The following CHRNB3 variants were observed in gnomAD, a reference collection of about 807,000 sequenced individuals.
The protein encoded by CHRNB3 is cholinergic receptor nicotinic beta 3 subunit, also known as neuronal acetylcholine receptor subunit beta-3.
CHRNB3 carries 37 observed loss-of-function variants against 40.6 expected under a neutral mutation model. The observed-to-expected ratio is 0.91, with a 90% confidence interval of 0.70 to 1.20. The LOEUF (loss-of-function observed/expected upper bound fraction) is 1.20. Ranked by LOEUF, CHRNB3 falls within the 50% of genes most tolerant of loss-of-function variation. The probability of loss-of-function intolerance (pLI) is 0.00; values close to 1 mark genes in which losing one functional copy is unlikely to be tolerated. For missense variants in CHRNB3, 505 were observed against 551.2 expected (o/e 0.92, Z 0.84); for synonymous variants, 207 against 207.1 (o/e 1.00, Z 0.00).
At chr8:42,708,593 C>T (rs918608843) in intron 1 of CHRNB3, 124 bp from the exon 2 acceptor site, 1 of 1,054,782 alleles carries the variant, frequency 9.5e-7, no homozygotes, top group South Asian at 1.7e-5. Context: ...CTTTCAGGAA[C>T]TGGGCTGTTT....
At chr8:42,708,928 C>A in intron 2 of CHRNB3, 60 bp downstream of exon 2, 2 of 1,425,082 alleles carry the variant, frequency 1.4e-6, no homozygotes, top group Non-Finnish European at 1.9e-6. Flanking sequence ...GTTTATGAGT[C>A]TAAAATATAT....
Position 42,736,495 on chromosome 8 carries a change from C to G in CHRNB3, c.1254C>G (p.Asp418Glu), listed in dbSNP as rs1157615167. ...TTTCTCTTTTGCAGGTAGTACAAGA[C>G]TGGAAATTTGTAGCTCAAGTTCTTG... ...KEHFISQVVQ[D>E]WKFVAQVLDR... Residue 418 changes from aspartate (D) to glutamate (E), a missense_variant, in exon 6 of 6, where the codon GAC (aspartate) becomes GAG (glutamate). Transcript: ENST00000289957. 6.2e-7 allele frequency: 1 copy of G among 1,614,080 alleles called. No individual in the cohort carries two copies. Among genetic ancestry groups the G allele is most frequent in the East Asian group, 2.2e-5 (1 of 44,896 alleles).
chr8:42,731,918 T>C lies in CHRNB3; in HGVS notation c.611T>C (p.Leu204Pro), dbSNP rs1439484022. 4 of 1,614,168 alleles carry C rather than the reference T, an allele frequency of 2.5e-6. No individual in the cohort carries two copies. The East Asian group carries it at 6.7e-5, about 27-fold the overall frequency. Reference protein sequence around the residue: ...DFFDNGEWEILNAKGMKGNRR... With the variant: ...DFFDNGEWEIPNAKGMKGNRR... ...TTCGATAACGGAGAATGGGAAATAC[T>C]GAACGCAAAGGGGATGAAGGGGAAC... is the stretch of plus-strand genomic sequence containing the variant. The change falls in exon 5 of 6, where the codon CTG becomes CCG. Residue 204 changes from leucine to proline, a missense_variant. Coordinates refer to ENST00000289957, the MANE Select transcript of CHRNB3 (RefSeq NM_000749.5).
chr8:42,732,346 CT>C lies in CHRNB3; in HGVS notation c.1042del (p.Cys348AlafsTer2). On this transcript the variant is annotated frameshift_variant, in exon 5 of 6. Coordinates refer to ENST00000289957, the MANE Select transcript of CHRNB3 (RefSeq NM_000749.5). LOFTEE classifies it high-confidence loss of function. ...RLFLQKLPKL[L>X]CMKDHVDRYS... ...CTTTCTGCAGAAACTTCCAAAATTA[CT>C]TTGCATGAAAGATCATGTGGATCGC... The C allele has an allele frequency of 1.9e-6, 3 of 1,607,094 alleles. No homozygotes were observed. The South Asian group carries it at 3.4e-5, about 18-fold the overall frequency.
intron 4 of CHRNB3, among the ~76,000 whole-genome samples, chr8:42,731,069 T>C (rs1029964188): frequency 4.1e-5 from 6 of 146,992 alleles, no homozygotes; most frequent in Non-Finnish European, 9.0e-5. Flanking sequence ...AATAAATAAA[T>C]AAATAAATAA....
intron 3 of CHRNB3, chr8:42,726,362 A>G (rs967199946): frequency 2.0e-6 from 1 of 501,514 alleles, no homozygotes; most frequent in African/African-American, 2.0e-5. Context: ...AAATCTACAG[A>G]AAAGATCCCA....
chr8:42,704,567 A>G (rs1042452835), intron 1 of CHRNB3: 4 of 152,174 alleles, frequency 2.6e-5, no homozygotes, highest in Non-Finnish European at 4.4e-5. Flanking sequence ...GAATGACTGG[A>G]CAGTTTTTCT....
chr8:42,732,310 G>T lies in CHRNB3; in HGVS notation c.1003G>T (p.Val335Phe). ...CACGTACCACCCCATGGCCCCCTGGGTTAAGAGGCTCTTTCTGCAGAAACT... is the reference window on the plus strand; with the variant it reads ...CACGTACCACCCCATGGCCCCCTGGTTTAAGAGGCTCTTTCTGCAGAAACT... The part of the protein sequence containing the change: ...SSTYHPMAPW[V>F]KRLFLQKLPK... Residue 335 changes from valine to phenylalanine, a missense_variant, in exon 5 of 6, where the codon GTT (valine) becomes TTT (phenylalanine). Coordinates refer to ENST00000289957, the MANE Select transcript of CHRNB3 (RefSeq NM_000749.5). 6.2e-7 allele frequency: 1 copy of T among 1,607,016 alleles called. No individual in the cohort carries two copies. Among genetic ancestry groups the T allele is most frequent in the Non-Finnish European group, 8.5e-7 (1 of 1,178,054 alleles).
chr8:42,731,591 T>C (rs1816418734), intron 4 of CHRNB3, 76 bp from the exon 5 acceptor site: 3 of 1,399,208 alleles, frequency 2.1e-6, no homozygotes, highest in South Asian at 2.8e-5. Context: ...AAAACAGAAA[T>C]AGTCAATGCT....
chr8:42,729,196 A>G (rs1816359927), intron 3 of CHRNB3, among the ~76,000 whole-genome samples: 1 of 152,040 alleles, frequency 6.6e-6, no homozygotes, highest in South Asian at 2.1e-4. Flanking sequence ...TCATGAGGTC[A>G]GGAGATCGAG....
Position 42,732,659 on chromosome 8 carries a change from T to C in CHRNB3, c.1242+110T>C, listed in dbSNP as rs553038321. On this transcript the variant is annotated intron_variant, in intron 5 of 5. Coordinates refer to ENST00000289957, the MANE Select transcript of CHRNB3 (RefSeq NM_000749.5). ...GTCATGGTTTAAATGTGACGTTATA[T>C]AAGACATGCTTTTTATACATATAAC... 2.3e-5 allele frequency: 23 copies of C among 997,890 alleles called. No individual in the cohort carries two copies. In the African/African-American group the frequency reaches 3.8e-4, roughly 16 times the overall value. The allele number at this position is 997,890 out of a possible 1,614,324, so 61.8% of individuals were successfully genotyped here.
At chr8:42,697,677 A>T in intron 1 of CHRNB3, 79 bp downstream of exon 1, 1 of 1,058,518 alleles carries the variant, frequency 9.4e-7, no homozygotes, top group Non-Finnish European at 1.5e-6. Flanking sequence ...GGTGTTGATA[A>T]TGTTAGAATT....
In CHRNB3 at chr8:42,731,738, C is replaced by A; in HGVS notation, c.431C>A (p.Thr144Asn). Residue 144 changes from threonine to asparagine, a missense_variant, in exon 5 of 6, where the codon ACC becomes AAC. Transcript: ENST00000289957. ...IVKSNGTVVW[T>N]PPASYKSSCT... The stretch of plus-strand genomic sequence containing the variant: ...AAATCAAACGGAACTGTTGTCTGGA[C>A]CCCTCCCGCCAGCTACAAAAGCTCC... The A allele has an allele frequency of 6.2e-7, 1 of 1,613,980 alleles. No individual in the cohort carries two copies. Among genetic ancestry groups the A allele is most frequent in the Non-Finnish European group, 8.5e-7 (1 of 1,180,012 alleles).
At chr8:42,709,794 G>A (rs1036083614) in intron 2 of CHRNB3, among the ~76,000 whole-genome samples, 1 of 152,144 alleles carries the variant, frequency 6.6e-6, no homozygotes, top group African/African-American at 2.4e-5. Context: ...ATGATGCCCA[G>A]CTAATTTTTG....
At position 42,736,714 on chromosome 8, in the gene CHRNB3, C is replaced by G; in HGVS notation, c.*96C>G. The G allele has an allele frequency of 7.1e-7, 1 of 1,399,956 alleles. No homozygotes were observed. The highest frequency in any genetic ancestry group is 1.0e-6 in the Non-Finnish European group (1 of 1,002,260). The allele number at this position is 1,399,956 out of a possible 1,614,324, so 86.7% of individuals were successfully genotyped here. On this transcript the variant is annotated 3_prime_UTR_variant, in exon 6 of 6. Coordinates refer to ENST00000289957, the MANE Select transcript of CHRNB3 (RefSeq NM_000749.5). ...ATGCATGTGCTTGTTCTACGAACCC[C>G]GAATGCGTTGTCTTTGTGGAAATGG...
In CHRNB3 at chr8:42,736,675, C is replaced by T. The variant is rs1437342410; in HGVS notation, c.*57C>T. On this transcript the variant is annotated 3_prime_UTR_variant, in exon 6 of 6. Transcript: ENST00000289957. ...TTAGACCTGACATCTGGCTATCACA[C>T]AGACAGAATCCAAATGCATGTGCTT... The T allele has an allele frequency of 6.3e-7, 1 of 1,591,886 alleles. No homozygotes were observed. The highest frequency in any genetic ancestry group is 1.1e-5 in the South Asian group (1 of 89,760).
chr8:42,732,637 A>C, intron 5 of CHRNB3, 88 bp downstream of exon 5: 2 of 1,264,456 alleles, frequency 1.6e-6, no homozygotes, highest in Non-Finnish European at 1.1e-6. Flanking sequence ...AAATATTGTC[A>C]TGGTTTAAAT....
At chr8:42,717,894 A>G (rs62518183) in intron 3 of CHRNB3, among the ~76,000 whole-genome samples, 8,287 of 141,640 alleles carry the variant, frequency 0.059, 300 homozygotes, top group Middle Eastern at 0.11. Context: ...GTACAGTGGC[A>G]CAATCTCGGC....
chr8:42,715,568 G>C (rs907975434), intron 3 of CHRNB3, among the ~76,000 whole-genome samples: 1 of 152,136 alleles, frequency 6.6e-6, no homozygotes, highest in Non-Finnish European at 1.5e-5. Flanking sequence ...ACAAAAGCAT[G>C]TTCCATGGTA....
Sources: gnomAD v4.1 joint callset for allele counts (sites outside exome capture counted in the v4.1 genomes callset) on GRCh38, gnomAD v4.1.1 for gene constraint, MANE v1.5 for transcripts, NCBI Gene and HGNC (gene_info 2026-07-23, HGNC 2026-07-21) for gene names.